The following CMIP variants were observed in gnomAD, a reference collection of about 807,000 sequenced individuals.
The protein encoded by CMIP is C-Maf-inducing protein.
Under a neutral mutation model 97.3 loss-of-function variants are expected in CMIP, and 13 were observed. The ratio of observed to expected loss-of-function variants is 0.13; its 90% CI spans 0.09 to 0.21. The LOEUF is 0.21. Among genes scored for constraint, CMIP ranks in the 10% least tolerant of loss-of-function variants. The pLI, the probability that CMIP is intolerant of heterozygous loss-of-function variation, is 1.00. For missense variants in CMIP, 847 were observed against 1,024.9 expected (o/e 0.83, Z 2.37); for synonymous variants, 538 against 436.3 (o/e 1.23, Z -2.91).
At chr16:81,650,386 A>G (rs755098382) in intron 3 of CMIP, among the ~76,000 whole-genome samples, 3 of 152,198 alleles carry the variant, frequency 2.0e-5, no homozygotes, top group Non-Finnish European at 4.4e-5. Flanking sequence ...AGGAGGAAAG[A>G]AAGGTGGGCA....
chr16:81,640,907 C>T (rs921442463), intron 3 of CMIP, among the ~76,000 whole-genome samples: 4 of 152,100 alleles, frequency 2.6e-5, no homozygotes, highest in Non-Finnish European at 4.4e-5. Flanking sequence ...TCACAGATAC[C>T]GGGCTTAGGA....
chr16:81,706,502 G>A (rs1001225269), intron 19 of CMIP, among the ~76,000 whole-genome samples: 10 of 152,196 alleles, frequency 6.6e-5, no homozygotes, highest in African/African-American at 1.9e-4. Context: ...GGGGGGGCGC[G>A]GTCCTCATCA....
chr16:81,696,927 C>T (rs554124744), intron 14 of CMIP: 48 of 539,530 alleles, frequency 8.9e-5, no homozygotes, highest in African/African-American at 8.8e-4. Context: ...GAGAAGACGA[C>T]ACATGTCATT....
rs892649868 is a variant in CMIP at position 81,517,917 on chromosome 16, A to C, written c.300+72376A>C. On this transcript the variant is annotated intron_variant, in intron 1 of 20. Coordinates refer to ENST00000537098, the MANE Select transcript of CMIP (RefSeq NM_198390.3). ...CTCTTTTCAATGTGGACCTCCTGCC[A>C]CAGCCACGAGATTCAAGGATTTTCT... The C allele has an allele frequency of 4.1e-6, 4 of 983,866 alleles. No homozygotes were observed. The African/African-American group carries it at 7.0e-5, about 17-fold the overall frequency. The allele number at this position is 983,866 out of a possible 1,614,324, so 60.9% of individuals were successfully genotyped here.
chr16:81,465,021 T>TG (rs1397563739), intron 1 of CMIP, among the ~76,000 whole-genome samples: 1 of 152,158 alleles, frequency 6.6e-6, no homozygotes, highest in Non-Finnish European at 1.5e-5. Flanking sequence ...TGAACATTGG[T>TG]GCAAGTATTT....
chr16:81,653,490 G>C (rs181082243), intron 4 of CMIP, among the ~76,000 whole-genome samples: 3 of 152,358 alleles, frequency 2.0e-5, no homozygotes, highest in Non-Finnish European at 4.4e-5. Flanking sequence ...TCAGTTGGGA[G>C]ACCAGCATCG....
At chr16:81,583,945 T>C (rs1340430424) in intron 1 of CMIP, among the ~76,000 whole-genome samples, 2 of 152,090 alleles carry the variant, frequency 1.3e-5, no homozygotes, top group Admixed American at 6.5e-5. Flanking sequence ...AAATAAAGAT[T>C]GGAAGCCTTT....
chr16:81,619,625 C>T (rs765040270), intron 2 of CMIP: 7 of 152,258 alleles, frequency 4.6e-5, no homozygotes, highest in Non-Finnish European at 7.3e-5. Flanking sequence ...CGCTGCACTT[C>T]GGCCCAGCCT....
chr16:81,522,240 G>A (rs765747899), intron 1 of CMIP, among the ~76,000 whole-genome samples: 9 of 152,322 alleles, frequency 5.9e-5, no homozygotes, highest in African/African-American at 2.2e-4. Context: ...GTTTCCTGGA[G>A]TGTGATTGGT....
chr16:81,567,491 T>C (rs2091003283), intron 1 of CMIP, among the ~76,000 whole-genome samples: 1 of 152,232 alleles, frequency 6.6e-6, no homozygotes, highest in Non-Finnish European at 1.5e-5. Flanking sequence ...AGACTCACTT[T>C]GGGAATTCCC....
At chr16:81,686,800 C>T (rs981919722) in intron 10 of CMIP, among the ~76,000 whole-genome samples, 4 of 152,136 alleles carry the variant, frequency 2.6e-5, no homozygotes, top group Non-Finnish European at 5.9e-5. Flanking sequence ...CATCTCCTCC[C>T]GTTTCTATGT....
At chr16:81,638,768 G>A (rs2092268065) in intron 3 of CMIP, among the ~76,000 whole-genome samples, 1 of 152,116 alleles carries the variant, frequency 6.6e-6, no homozygotes, top group South Asian at 2.1e-4. Flanking sequence ...TGAGGGAGGT[G>A]CCTCCTGTCC....
rs181616131 is a variant in CMIP, at chr16:81,499,472, C to G, written c.300+53931C>G. 1.4e-4 allele frequency among the ~76,000 whole-genome samples: 21 copies of G among 152,376 alleles called. No homozygotes were observed. The East Asian group carries it at 4.0e-3, about 29-fold the overall frequency. ...TCGGGAGGGAAGTGACTGCACAGAT[C>G]TGGACCTGGCGATGACCTCTGAGTG... On this transcript the variant is annotated intron_variant, in intron 1 of 20. Coordinates refer to ENST00000537098, the MANE Select transcript of CMIP (RefSeq NM_198390.3).
Position 81,643,264 on chromosome 16 carries a change from C to T in CMIP, c.478-8939C>T, listed in dbSNP as rs561225245. ...AGCTGCTGAATGCAGATTCCCAGGCCTCACTGTGGTCACAAAAGGACACAT... is the reference window on the plus strand; with the variant it reads ...AGCTGCTGAATGCAGATTCCCAGGCTTCACTGTGGTCACAAAAGGACACAT... On this transcript the variant is annotated intron_variant, in intron 3 of 20. Coordinates refer to ENST00000537098, the MANE Select transcript of CMIP (RefSeq NM_198390.3). Among the ~76,000 whole-genome samples, 195 of 152,322 alleles carry T rather than the reference C, an allele frequency of 1.3e-3. 1 individual carries two copies. The highest frequency in any genetic ancestry group is 2.2e-3 in the Non-Finnish European group (147 of 68,028).
chr16:81,627,754 G>T lies in CMIP; in HGVS notation c.477+6828G>T, dbSNP rs925709481. On this transcript the variant is annotated intron_variant, in intron 3 of 20. Transcript: ENST00000537098. This position sits in a 1 kb window ranked among gnomAD's most constrained non-coding sequence, Gnocchi z 4.6. Reference sequence around the variant, plus strand: ...GATGAGGATAAAGGACCGTGCCAAAGCCAGATGCCTCCCAGCGAGGGTCAC... The same window carrying T: ...GATGAGGATAAAGGACCGTGCCAAATCCAGATGCCTCCCAGCGAGGGTCAC... Among the ~76,000 whole-genome samples the T allele has an allele frequency of 1.3e-5, 2 of 152,190 alleles. No individual in the cohort carries two copies. The highest frequency in any genetic ancestry group is 4.8e-5 in the African/African-American group (2 of 41,428).
intron 1 of CMIP, among the ~76,000 whole-genome samples, chr16:81,532,404 T>C (rs1305109087): frequency 6.6e-6 from 1 of 152,152 alleles, no homozygotes; most frequent in Non-Finnish European, 1.5e-5. Flanking sequence ...TTTTGAAAAA[T>C]TTCCTGAATG....
intron 13 of CMIP, chr16:81,695,612 CTG>C (rs1476496776): frequency 1.3e-5 from 2 of 152,432 alleles, no homozygotes; most frequent in African/African-American, 4.8e-5. Flanking sequence ...CTCTCATGCT[CTG>C]TCTCTCTCCC....
Position 81,668,387 on chromosome 16 carries a change from T to C in CMIP, c.826-1755T>C, listed in dbSNP as rs150841746. 7.8e-3 allele frequency among the ~76,000 whole-genome samples: 1,183 copies of C among 152,188 alleles called. 20 individuals are homozygous for C. The highest frequency in any genetic ancestry group is 0.027 in the African/African-American group (1,140 of 41,518). The stretch of plus-strand genomic sequence containing the variant: ...CACAGGCCCCTGTCCGGCCCGTGCC[T>C]CTCTCCTGCACCTCTGTTCTGCTCC... On this transcript the variant is annotated intron_variant, in intron 7 of 20. Coordinates refer to ENST00000537098, the MANE Select transcript of CMIP (RefSeq NM_198390.3).
chr16:81,615,735 G>A (rs554201040), intron 2 of CMIP, among the ~76,000 whole-genome samples: 1 of 151,446 alleles, frequency 6.6e-6, no homozygotes, highest in Non-Finnish European at 1.5e-5. Context: ...GTGTGTGTGT[G>A]TATGGTGTGT....
Sources: allele counts gnomAD v4.1 joint callset (sites outside exome capture counted in the v4.1 genomes callset), GRCh38; gene constraint gnomAD v4.1.1; non-coding constraint Gnocchi (gnomAD v3.1); transcripts MANE v1.5; gene names NCBI Gene and HGNC (gene_info 2026-07-23, HGNC 2026-07-21).